Variants in DCST2 observed in about 807,000 individuals in gnomAD.
DCST2 encodes the protein DC-STAMP domain-containing protein 2.
In DCST2, 64 loss-of-function variants were observed where a neutral mutation model predicts 81.8. The ratio of observed to expected loss-of-function variants is 0.78; its 90% CI spans 0.64 to 0.96. The LOEUF (loss-of-function observed/expected upper bound fraction) is 0.96. Ranked by LOEUF, DCST2 falls within the 40% of genes least tolerant of loss-of-function variation. The probability of loss-of-function intolerance (pLI) is 0.00; values close to 1 mark genes in which losing one functional copy is unlikely to be tolerated. For synonymous variants in DCST2, 354 were observed against 402.6 expected (o/e 0.88, Z 1.44); for missense variants, 945 against 1,001.4 (o/e 0.94, Z 0.76).
Position 155,023,385 on chromosome 1 carries a change from T to C in DCST2, c.1943A>G (p.Gln648Arg). Residue 648 changes from glutamine to arginine, a missense_variant, in exon 13 of 15, where the codon CAG becomes CGG. Coordinates refer to ENST00000368424, the MANE Select transcript of DCST2 (RefSeq NM_144622.3). Reference sequence around the variant, plus strand: ...TCACAGCTCCAGGTCCAGGTCCCCCTGGTAGGAGAGGGGAGATGCACACAC... The same window carrying C: ...TCACAGCTCCAGGTCCAGGTCCCCCCGGTAGGAGAGGGGAGATGCACACAC... ...CSVCASPLSY[Q>R]GDLDLELDSS... 6.2e-7 allele frequency: 1 copy of C among 1,608,670 alleles called. No individual in the cohort carries two copies. The highest frequency in any genetic ancestry group is 8.5e-7 in the Non-Finnish European group (1 of 1,177,394).
intron 4 of DCST2, 41 bp downstream of exon 4, chr1:155,031,533 C>CCCAA: frequency 1.3e-6 from 2 of 1,557,500 alleles, no homozygotes; most frequent in Non-Finnish European, 1.8e-6. Flanking sequence ...CACCCCACCC[C>CCCAA]ACATCGGCTC....
At chr1:155,032,143 GC>G (rs1325677661) in intron 3 of DCST2, among the ~76,000 whole-genome samples, 2 of 152,062 alleles carry the variant, frequency 1.3e-5, no homozygotes, top group Non-Finnish European at 2.9e-5. Flanking sequence ...ACAGCTGCGT[GC>G]CACCACGCCC....
Position 155,033,666 on chromosome 1 carries a change from C to CA in DCST2, c.35dup (p.Leu12PhefsTer7). On this transcript the variant is annotated frameshift_variant, in exon 1 of 15. Coordinates refer to ENST00000368424, the MANE Select transcript of DCST2 (RefSeq NM_144622.3). LOFTEE classifies it high-confidence loss of function. Reference sequence around the variant, plus strand: ...TCGCCATGCTAGGCTCCTCTCCCCCCAAGGGGTGCACAACATCCTTCATGA... The same window carrying CA: ...TCGCCATGCTAGGCTCCTCTCCCCCCAAAGGGGTGCACAACATCCTTCATGA... The CA allele has an allele frequency of 6.2e-7, 1 of 1,614,164 alleles. No individual in the cohort carries two copies. Among genetic ancestry groups the CA allele is most frequent in the South Asian group, 1.1e-5 (1 of 91,086 alleles).
chr1:155,030,099 G>T lies in DCST2; in HGVS notation c.1162C>A (p.Arg388Ser), dbSNP rs371970604. Residue 388 changes from arginine to serine, a missense_variant, in exon 7 of 15, where the codon CGC becomes AGC. Physicochemically the swap from Arg to Ser is moderately radical, Grantham distance 110 (BLOSUM62 -1). Transcript: ENST00000368424. ...GGGCCCTCACCCGGTGGGATGTAGCGCCTGGCCTCGTGAGCACTGAGCGGT... is the reference window on the plus strand; with the variant it reads ...GGGCCCTCACCCGGTGGGATGTAGCTCCTGGCCTCGTGAGCACTGAGCGGT... The part of the protein sequence containing the change: ...VLPLSAHEAR[R>S]YIPPGSIFLS... 1 of 1,613,644 alleles carries T rather than the reference G, an allele frequency of 6.2e-7. No homozygotes were observed. The highest frequency in any genetic ancestry group is 2.2e-5 in the East Asian group (1 of 44,870).
Position 155,032,732 on chromosome 1 carries a change from G to A in DCST2, c.476C>T (p.Thr159Ile). ...LNKIKAIARK[T>I]KEVADRVRKF... is the part of the protein sequence containing the mutation. ...GCGGACCCGGTCAGCCACCTCTTTG[G>A]TCTTCCGGGCAATAGCTTTAATCTT... Residue 159 changes from threonine (T) to isoleucine (I), a missense_variant, in exon 3 of 15, where the codon ACC becomes ATC. Transcript: ENST00000368424. 1 of 1,614,176 alleles carries A rather than the reference G, an allele frequency of 6.2e-7. No individual in the cohort carries two copies. Among genetic ancestry groups the A allele is most frequent in the Non-Finnish European group, 8.5e-7 (1 of 1,180,020 alleles).
chr1:155,031,795 A>C (rs1358454762), intron 3 of DCST2, 24 bp from the exon 4 acceptor site: 1 of 1,610,770 alleles, frequency 6.2e-7, no homozygotes, highest in South Asian at 1.1e-5. Context: ...CAGGGTTGGC[A>C]CCCAGGGCTG....
At chr1:155,031,046 C>T in intron 5 of DCST2, 123 bp downstream of exon 5, 1 of 1,064,158 alleles carries the variant, frequency 9.4e-7, no homozygotes, top group South Asian at 1.7e-5. Flanking sequence ...TCACTTGAGC[C>T]CCTTTCTTTC....
chr1:155,033,750 T>C lies in DCST2; in HGVS notation c.-49A>G, dbSNP rs1197682549. The C allele has an allele frequency of 6.3e-7, 1 of 1,582,506 alleles. No individual in the cohort carries two copies. Among genetic ancestry groups the C allele is most frequent in the Non-Finnish European group, 8.6e-7 (1 of 1,164,088 alleles). On this transcript the variant is annotated 5_prime_UTR_variant, in exon 1 of 15. Transcript: ENST00000368424. ...CTGTCTCCAGGAGATGCCCGCTGAC[T>C]TCTGTGCTCCTGGAATTTCTCACCG... is the stretch of plus-strand genomic sequence containing the variant.
At chr1:155,030,718 G>T in intron 5 of DCST2, 73 bp from the exon 6 acceptor site, 3 of 1,525,428 alleles carry the variant, frequency 2.0e-6, no homozygotes, top group East Asian at 4.6e-5. Flanking sequence ...CTGGGGAGGG[G>T]CCTGGCACAG....
rs1261104655 is a variant in DCST2 at position 155,024,621 on chromosome 1, G to A, written c.1612-19C>T. 2 of 1,582,512 alleles carry A rather than the reference G, an allele frequency of 1.3e-6. No homozygotes were observed. Among genetic ancestry groups the A allele is most frequent in the Non-Finnish European group, 1.7e-6 (2 of 1,164,606 alleles). Reference sequence around the variant, plus strand: ...TCCTCTCCTGGTGCGGGGAGATCAGGGATGGGGTCCCACTTGACCCTGTTT... The same window carrying A: ...TCCTCTCCTGGTGCGGGGAGATCAGAGATGGGGTCCCACTTGACCCTGTTT... On this transcript the variant is annotated intron_variant, in intron 10 of 14. Transcript: ENST00000368424.
In DCST2 at chr1:155,026,609, A is replaced by C. The variant is rs1659918684; in HGVS notation, c.1449T>G (p.Ile483Met). The change falls in exon 9 of 15, where the codon ATT becomes ATG. Residue 483 changes from isoleucine (I) to methionine (M), a missense_variant. Physicochemically the swap from Ile to Met is conservative, Grantham distance 10 (BLOSUM62 1). Transcript: ENST00000368424. ...GACGAAGGAGACAACGCCGGGACAA[A>C]ATACTGATGTTGCCTTGCTGCAGGA... is the stretch of plus-strand genomic sequence containing the variant. The part of the protein sequence containing the change: ...FDVLQQGNIS[I>M]LSRRCLLRPS... 1 of 1,614,104 alleles carries C rather than the reference A, an allele frequency of 6.2e-7. No individual in the cohort carries two copies. The highest frequency in any genetic ancestry group is 8.5e-7 in the Non-Finnish European group (1 of 1,180,038).
rs760655550 is a variant in DCST2, at chr1:155,033,223, C to T, written c.310G>A (p.Val104Met). 1.7e-5 allele frequency: 27 copies of T among 1,613,876 alleles called. 1 individual carries two copies. The Admixed American group carries it at 1.8e-4, about 11-fold the overall frequency. The change falls in exon 2 of 15, where the codon GTG becomes ATG. Residue 104 changes from valine to methionine, a missense_variant. Transcript: ENST00000368424. ...GTGTTGGCACAAGGCCCTTGAAGCA[C>T]CAACCCAAAAGCAGCCACCAACAGT... ...TLLLVAAFGL[V>M]LQGPCANTLR...
At chr1:155,023,575 G>A (rs760987496) in intron 12 of DCST2, 118 bp from the exon 13 acceptor site, 3 of 1,547,012 alleles carry the variant, frequency 1.9e-6, no homozygotes, top group Non-Finnish European at 2.6e-6. Context: ...TCCTTGTCAA[G>A]GGGTGCACAC....
rs1659801905 is a variant in DCST2, at chr1:155,023,252, G to T, written c.1970C>A (p.Ser657Tyr). Reference protein sequence around the residue: ...YQGDLDLELDSSDEEGPQLWL... With the variant: ...YQGDLDLELDYSDEEGPQLWL... ...TAGCTGAGGGCCCTCCTCATCGCTG[G>T]AGTCCCTGGAGAAGACTCTCATCTC... Residue 657 changes from serine to tyrosine, a missense_variant, in exon 14 of 15, where the codon TCC becomes TAC. Transcript: ENST00000368424. The T allele has an allele frequency of 9.3e-6, 15 of 1,614,112 alleles. No homozygotes were observed. Among genetic ancestry groups the T allele is most frequent in the Non-Finnish European group, 1.2e-5 (14 of 1,180,018 alleles).
intron 14 of DCST2, among the ~76,000 whole-genome samples, chr1:155,021,088 C>T (rs2102332827): frequency 6.6e-6 from 1 of 152,152 alleles, no homozygotes; most frequent in South Asian, 2.1e-4. Flanking sequence ...CAACCTCCAC[C>T]TCCCAGGTTC....
At chr1:155,019,560 C>G (rs1057309973) in intron 14 of DCST2, among the ~76,000 whole-genome samples, 2 of 152,250 alleles carry the variant, frequency 1.3e-5, no homozygotes, top group African/African-American at 2.4e-5. Flanking sequence ...TCAGCCAGCT[C>G]TCCCTCCTGG....
At chr1:155,031,467 G>A in intron 4 of DCST2, 107 bp downstream of exon 4, 1 of 909,158 alleles carries the variant, frequency 1.1e-6, no homozygotes, top group Non-Finnish European at 1.6e-6. Context: ...CCTCTCTGTT[G>A]CCCTCTAATC....
At position 155,023,913 on chromosome 1, in the gene DCST2, C is replaced by T; in HGVS notation, c.1789G>A (p.Ala597Thr). ...PFVSHFWLHQ[A>T]YCLGCGQPQD... ...GGCTGCCCACAGCCCAGGCAGTAGGCCTGATGCAGCCAAAAGTGGCTGACA... is the reference window on the plus strand; with the variant it reads ...GGCTGCCCACAGCCCAGGCAGTAGGTCTGATGCAGCCAAAAGTGGCTGACA... Residue 597 changes from alanine to threonine, a missense_variant, in exon 12 of 15, where the codon GCC becomes ACC. By Grantham distance (58) the Ala-to-Thr change is moderately conservative. Transcript: ENST00000368424. 6.2e-7 allele frequency: 1 copy of T among 1,613,580 alleles called. No individual in the cohort carries two copies.
intron 12 of DCST2, 134 bp downstream of exon 12, chr1:155,023,698 G>T (rs570085007): frequency 6.4e-7 from 1 of 1,567,962 alleles, no homozygotes; most frequent in Non-Finnish European, 8.7e-7. Flanking sequence ...AAATGAGAAC[G>T]TGCATAGTAA....
Sources: gnomAD v4.1 joint callset for allele counts (sites outside exome capture counted in the v4.1 genomes callset) on GRCh38, gnomAD v4.1.1 for gene constraint, MANE v1.5 for transcripts, NCBI Gene and HGNC (gene_info 2026-07-23, HGNC 2026-07-21) for gene names.